Variants in NAV1 observed in about 807,000 individuals in gnomAD.
NAV1 encodes the protein neuron navigator 1.
In NAV1, 18 loss-of-function variants were observed where a neutral mutation model predicts 175.2. That is an observed-to-expected ratio of 0.10 (90% CI 0.07 to 0.15). The LOEUF is 0.15. Among genes scored for constraint, NAV1 ranks in the 10% least tolerant of loss-of-function variants. The pLI, the probability that NAV1 is intolerant of heterozygous loss-of-function variation, is 1.00. For synonymous variants in NAV1, 897 were observed against 978.7 expected (o/e 0.92, Z 1.56); for missense variants, 1,731 against 2,436.6 (o/e 0.71, Z 6.10).
At chr1:201,670,355 T>C (rs1669990301) in intron 1 of NAV1, among the ~76,000 whole-genome samples, 1 of 114,646 alleles carries the variant, frequency 8.7e-6, no homozygotes, top group African/African-American at 3.5e-5. Flanking sequence ...CACTCCAGCC[T>C]GGGCGACAGA....
At position 201,782,339 on chromosome 1, in the gene NAV1, G is replaced by A. The variant is rs770043013; in HGVS notation, c.1827G>A (p.Lys609=). ...CTTCGGGATCCTTTGGCTACAAGAAGCCTCCTCCTGCCACAGGCACAGCCA... is the reference window on the plus strand; with the variant it reads ...CTTCGGGATCCTTTGGCTACAAGAAACCTCCTCCTGCCACAGGCACAGCCA... Residue 609 remains lysine, a synonymous_variant, in exon 6 of 30, where the codon AAG becomes AAA. Coordinates refer to ENST00000367296, the Ensembl canonical transcript of NAV1. This position sits in a 1 kb window ranked among gnomAD's most constrained non-coding sequence, Gnocchi z 5.4. 1.1e-5 allele frequency: 17 copies of A among 1,614,030 alleles called. No homozygotes were observed. Among genetic ancestry groups the A allele is most frequent in the Non-Finnish European group, 1.3e-5 (15 of 1,180,026 alleles).
At chr1:201,649,031 C>G in exon 1 of NAV1, 1 of 1,613,642 alleles carries the variant, frequency 6.2e-7, no homozygotes, top group Non-Finnish European at 8.5e-7. Context: ...CGCCCAAAGG[C>G]TTAGGCAAGG....
chr1:201,785,454 C>A, intron 8 of NAV1, 103 bp downstream of exon 12: 2 of 1,211,438 alleles, frequency 1.7e-6, no homozygotes, highest in Non-Finnish European at 2.4e-6. Context: ...AATTTAGTCA[C>A]CCTTTTAGCT....
intron 3 of NAV1, among the ~76,000 whole-genome samples, chr1:201,770,861 A>G (rs187475949): frequency 7.2e-5 from 11 of 152,326 alleles, no homozygotes; most frequent in African/African-American, 2.4e-4. Context: ...GAAATCTGAG[A>G]AAGATCCCTG....
chr1:201,744,701 T>C (rs536196198), intron 3 of NAV1, among the ~76,000 whole-genome samples: 37 of 152,180 alleles, frequency 2.4e-4, no homozygotes, highest in Non-Finnish European at 4.4e-4. Flanking sequence ...GCATTTTCTT[T>C]AGGGCTTTGA....
chr1:201,798,676 T>C (rs1677619723), intron 15 of NAV1: 1 of 146,164 alleles, frequency 6.8e-6, no homozygotes, highest in Non-Finnish European at 1.5e-5. Flanking sequence ...TGAAAAGAAT[T>C]ACTGTTCATT....
chr1:201,571,874 C>A (rs982339941), intron 1 of NAV1, among the ~76,000 whole-genome samples: 26 of 152,172 alleles, frequency 1.7e-4, no homozygotes, highest in African/African-American at 6.3e-4. Flanking sequence ...AGGGCACAAA[C>A]AATTTGAGTG....
Position 201,790,471 on chromosome 1 carries a change from T to C in NAV1, c.3220-83T>C, listed in dbSNP as rs530183490. The C allele has an allele frequency of 6.7e-6, 10 of 1,497,164 alleles. No homozygotes were observed. The African/African-American group carries it at 1.1e-4, about 16-fold the overall frequency. The allele number at this position is 1,497,164 out of a possible 1,614,324, so 92.7% of individuals were successfully genotyped here. A position where few individuals can be genotyped will look rare whatever the true frequency, so the allele number is the denominator to read the frequency against. On this transcript the variant is annotated intron_variant, in intron 11 of 29. Coordinates refer to ENST00000367296, the Ensembl canonical transcript of NAV1. ...TCATGCTTCTTCACATTTCCTACCC[T>C]GCCACTGGGACCTGACTTCTTCACC...
chr1:201,812,024 C>G lies in NAV1; in HGVS notation c.5024+50C>G. 6.5e-7 allele frequency: 1 copy of G among 1,534,564 alleles called. No homozygotes were observed. Among genetic ancestry groups the G allele is most frequent in the Non-Finnish European group, 9.0e-7 (1 of 1,107,580 alleles). On this transcript the variant is annotated intron_variant, in intron 26 of 29. Transcript: ENST00000367296. This position sits in a 1 kb window ranked among gnomAD's most constrained non-coding sequence, Gnocchi z 4.6. Reference sequence around the variant, plus strand: ...CCTTCTGACCCTACCCAAGAGTCTTCAATCCTGGACTCTGGCCAGGAGGCA... The same window carrying G: ...CCTTCTGACCCTACCCAAGAGTCTTGAATCCTGGACTCTGGCCAGGAGGCA...
At position 201,682,792 on chromosome 1, in the gene NAV1, A is replaced by C. The variant is rs111374015; in HGVS notation, c.758-30025A>C. Among the ~76,000 whole-genome samples the C allele has an allele frequency of 6.6e-3, 998 of 152,254 alleles. 9 individuals carry two copies. The highest frequency in any genetic ancestry group is 0.023 in the African/African-American group (953 of 41,552). On this transcript the variant is annotated intron_variant, in intron 1 of 29. Transcript: ENST00000367296. ...GTGTTCAAGGGGCAACTGTGTATCA[A>C]CCTGGCTGTGCCTCAGAACCATCGA...
chr1:201,586,086 A>C (rs1367618818), intron 1 of NAV1, among the ~76,000 whole-genome samples: 4 of 152,224 alleles, frequency 2.6e-5, no homozygotes, highest in African/African-American at 9.6e-5. Context: ...TTGACAGATG[A>C]ATAGATAAAC....
intron 1 of NAV1, 82 bp from the exon 4 acceptor site, chr1:201,629,322 A>C: frequency 1.0e-6 from 1 of 996,238 alleles, no homozygotes; most frequent in Non-Finnish European, 1.4e-6. Context: ...CCAAGTTCTA[A>C]GAGGGTTTTC....
At chr1:201,610,749 G>A (rs991985151) in intron 2 of NAV1, among the ~76,000 whole-genome samples, 2 of 152,172 alleles carry the variant, frequency 1.3e-5, no homozygotes, top group African/African-American at 2.4e-5. Flanking sequence ...GCTAGGCTTG[G>A]AGTAAGAGGT....
At chr1:201,771,647 C>G (rs1675599014) in intron 3 of NAV1, among the ~76,000 whole-genome samples, 1 of 152,054 alleles carries the variant, frequency 6.6e-6, no homozygotes, top group Non-Finnish European at 1.5e-5. Flanking sequence ...CCTATTGCCA[C>G]ACTTTTACAC....
intron 1 of NAV1, chr1:201,673,155 A>C (rs998041993): frequency 1.3e-5 from 2 of 152,252 alleles, no homozygotes; most frequent in African/African-American, 4.8e-5. Flanking sequence ...GAATGCAATA[A>C]AAGTTAAAAA....
chr1:201,539,347 G>T lies in NAV1; in HGVS notation c.-144+5G>T, dbSNP rs1665433667. Among the ~76,000 whole-genome samples, 1 of 151,906 alleles carries T rather than the reference G, an allele frequency of 6.6e-6. No homozygotes were observed. The highest frequency in any genetic ancestry group is 2.4e-5 in the African/African-American group (1 of 41,418). On this transcript the variant is annotated splice_donor_5th_base_variant and intron_variant, in intron 1 of 33. Transcript: ENST00000685211. The surrounding 1 kb of genome is among the most constrained non-coding windows in gnomAD (Gnocchi z 5.6). ...CCCGGGCGGGCAGGCGCTCCGGTGA[G>T]TGGCCGGCGCGGGGCGGTCGCGCGG...
In NAV1 at chr1:201,788,732, A is replaced by C; in HGVS notation, c.3166+94A>C. The C allele has an allele frequency of 7.5e-7, 1 of 1,328,322 alleles. No homozygotes were observed. The highest frequency in any genetic ancestry group is 1.0e-6 in the Non-Finnish European group (1 of 967,098). The allele number at this position is 1,328,322 out of a possible 1,614,324, so 82.3% of individuals were successfully genotyped here. On this transcript the variant is annotated intron_variant, in intron 10 of 29. Transcript: ENST00000367296. This position sits in a 1 kb window ranked among gnomAD's most constrained non-coding sequence, Gnocchi z 5.7. ...ACTCCCACCACTCCTACCACCACAC[A>C]CATATATGATTCACAGAACATCAAG... is the stretch of plus-strand genomic sequence containing the variant.
intron 2 of NAV1, among the ~76,000 whole-genome samples, chr1:201,601,672 A>G (rs1667516464): frequency 6.6e-6 from 1 of 152,160 alleles, no homozygotes; most frequent in Admixed American, 6.5e-5. Context: ...ACCAGAAAGC[A>G]GGTGCTCACC....
At chr1:201,657,924 T>C (rs147470117) in intron 1 of NAV1, among the ~76,000 whole-genome samples, 1,536 of 152,174 alleles carry the variant, frequency 0.01, 27 homozygotes, top group African/African-American at 0.034. Flanking sequence ...TCCCAGCTAC[T>C]TGGGAGGCTG....
Sources: gnomAD v4.1 joint callset for allele counts (sites outside exome capture counted in the v4.1 genomes callset) on GRCh38, gnomAD v4.1.1 for gene constraint, Gnocchi (gnomAD v3.1) non-coding constraint, MANE v1.5 for transcripts, NCBI Gene and HGNC (gene_info 2026-07-23, HGNC 2026-07-21) for gene names.